The following CAMSAP1 variants were observed in gnomAD, a reference collection of about 807,000 sequenced individuals.
The protein encoded by CAMSAP1 is calmodulin regulated spectrin associated protein 1, also known as calmodulin-regulated spectrin-associated protein 1.
In CAMSAP1, 58 loss-of-function variants were observed where a neutral mutation model predicts 143.5. The observed-to-expected ratio is 0.40, with a 90% CI of 0.33 to 0.50. The LOEUF (loss-of-function observed/expected upper bound fraction) is 0.50, where lower values mean the gene tolerates loss of function less well. CAMSAP1 is among the 20% of genes least tolerant of loss of function. CAMSAP1 has a pLI of 0.45. For missense variants in CAMSAP1, 1,969 were observed against 2,115.7 expected, an observed-to-expected ratio of 0.93 and a Z score of 1.36; for synonymous variants, 945 against 859.3, an observed-to-expected ratio of 1.10 and a Z score of -1.74.
chr9:135,854,148 T>C (rs946159594), intron 5 of CAMSAP1, among the ~76,000 whole-genome samples: 2 of 152,172 alleles, frequency 1.3e-5, no homozygotes, highest in African/African-American at 4.8e-5. Context: ...TCTGGTGAAA[T>C]GCCCCAGGAA....
intron 3 of CAMSAP1, among the ~76,000 whole-genome samples, chr9:135,879,972 T>C (rs1039353660): frequency 6.6e-6 from 1 of 151,934 alleles, no homozygotes; most frequent in Non-Finnish European, 1.5e-5. Flanking sequence ...ATATAACACA[T>C]ACAAATCAAG....
rs1266355406 is a variant in CAMSAP1, at chr9:135,826,228, G to C, written c.1223+1179C>G. On this transcript the variant is annotated intron_variant, in intron 8 of 16. Coordinates refer to ENST00000389532, the MANE Select transcript of CAMSAP1 (RefSeq NM_015447.4). This position sits in a 1 kb window ranked among gnomAD's most constrained non-coding sequence, Gnocchi z 4.4. The stretch of plus-strand genomic sequence containing the variant: ...CACACACACACACGGCTCAACAACA[G>C]ACACGCAAAGACCGAAGGGAGGACG... 6.6e-6 allele frequency: 1 copy of C among 152,558 alleles called. No homozygotes were observed. The highest frequency in any genetic ancestry group is 1.9e-4 in the East Asian group (1 of 5,184). 9.5% of individuals were successfully genotyped at this position (152,558 alleles called of 1,614,324 possible).
chr9:135,851,997 G>A (rs148419915), intron 5 of CAMSAP1, among the ~76,000 whole-genome samples: 409 of 152,320 alleles, frequency 2.7e-3, no homozygotes, highest in African/African-American at 9.4e-3. Context: ...GCACTCCACA[G>A]CTTGCTCCTT....
intron 7 of CAMSAP1, among the ~76,000 whole-genome samples, chr9:135,840,344 A>G (rs567117290): frequency 2.0e-5 from 3 of 152,270 alleles, no homozygotes; most frequent in East Asian, 3.9e-4. Context: ...AGTGAACTGA[A>G]GCTTAGCTGC....
intron 7 of CAMSAP1, among the ~76,000 whole-genome samples, chr9:135,842,982 C>T (rs1404893859): frequency 1.3e-5 from 2 of 152,214 alleles, no homozygotes; most frequent in African/African-American, 4.8e-5. Flanking sequence ...ATCAAATTCA[C>T]ACATAACAAT....
At chr9:135,890,425 C>T (rs1159867012) in intron 1 of CAMSAP1, among the ~76,000 whole-genome samples, 5 of 152,068 alleles carry the variant, frequency 3.3e-5, no homozygotes, top group South Asian at 4.1e-4. Flanking sequence ...CTTCCTGGAC[C>T]GCGGTTTCCC....
intron 1 of CAMSAP1, among the ~76,000 whole-genome samples, chr9:135,900,513 G>T (rs1245240946): frequency 6.6e-6 from 1 of 151,856 alleles, no homozygotes; most frequent in Non-Finnish European, 1.5e-5. Flanking sequence ...CTAACATGGT[G>T]AAACCCCGTC....
In CAMSAP1 at chr9:135,850,119, G is replaced by T. The variant is rs757865206; in HGVS notation, c.1045+18C>A. The stretch of plus-strand genomic sequence containing the variant: ...CTCAAGGAAACCATTGCCAACCTGG[G>T]GAATATCTGTCACTCACCGTCTTTC... On this transcript the variant is annotated intron_variant, in intron 7 of 16. Transcript: ENST00000389532. 1 of 1,589,160 alleles carries T rather than the reference G, an allele frequency of 6.3e-7. No individual in the cohort carries two copies. The highest frequency in any genetic ancestry group is 8.6e-7 in the Non-Finnish European group (1 of 1,167,066).
intron 7 of CAMSAP1, among the ~76,000 whole-genome samples, chr9:135,831,962 C>T (rs189375314): frequency 1.3e-3 from 200 of 152,136 alleles, no homozygotes; most frequent in African/African-American, 4.5e-3. Context: ...CACAAACCTC[C>T]CAACAAAGAA....
At chr9:135,863,774 G>A (rs957097135) in intron 4 of CAMSAP1, among the ~76,000 whole-genome samples, 2 of 152,150 alleles carry the variant, frequency 1.3e-5, no homozygotes, top group African/African-American at 4.8e-5. Context: ...AACGTGACCC[G>A]CCTCATACTG....
intron 5 of CAMSAP1, among the ~76,000 whole-genome samples, chr9:135,852,189 T>C (rs1334902837): frequency 2.0e-5 from 3 of 152,200 alleles, no homozygotes; most frequent in Non-Finnish European, 4.4e-5. Flanking sequence ...TGCATCTTTT[T>C]CTTACCGATT....
At chr9:135,872,390 C>T (rs1306457909) in intron 3 of CAMSAP1, among the ~76,000 whole-genome samples, 1 of 151,800 alleles carries the variant, frequency 6.6e-6, no homozygotes. Context: ...CACAGGAACC[C>T]TAAAGCAACC....
rs756052830 is a variant in CAMSAP1, at chr9:135,822,802, G to C, written c.1859C>G (p.Pro620Arg). The change falls in exon 11 of 17, where the codon CCG becomes CGG. Residue 620 changes from proline (P) to arginine (R), a missense_variant. Physicochemically the swap from Pro to Arg is moderately radical, Grantham distance 103 (BLOSUM62 -2). Coordinates refer to ENST00000389532, the MANE Select transcript of CAMSAP1 (RefSeq NM_015447.4). The surrounding 1 kb of genome is among the most constrained non-coding windows in gnomAD (Gnocchi z 6.1). ...GGGCCTCCTAGACACGATGCTCCTC[G>C]GTCTCCCTTCCCCCCGTTCATCCTC... ...TKEDERGEGRPRSIVSRRPSE... is the reference protein window; with the variant it reads ...TKEDERGEGRRRSIVSRRPSE... 5.8e-5 allele frequency: 94 copies of C among 1,613,714 alleles called. No individual in the cohort carries two copies. Among genetic ancestry groups the C allele is most frequent in the Middle Eastern group, 1.6e-4 (1 of 6,082 alleles).
Position 135,811,044 on chromosome 9 carries a change from G to A in CAMSAP1, c.*265C>T. 4.0e-6 allele frequency: 2 copies of A among 502,274 alleles called. No individual in the cohort carries two copies. Among genetic ancestry groups the A allele is most frequent in the Non-Finnish European group, 7.2e-6 (2 of 278,908 alleles). 31.1% of individuals were successfully genotyped at this position (502,274 alleles called of 1,614,324 possible). A position where few individuals can be genotyped will look rare whatever the true frequency, so the allele number is the denominator to read the frequency against. On this transcript the variant is annotated 3_prime_UTR_variant, in exon 17 of 17. Transcript: ENST00000389532. This position sits in a 1 kb window ranked among gnomAD's most constrained non-coding sequence, Gnocchi z 4.9. ...CTGGGAGCCTCAGTGGTCAGCAGTG[G>A]CCACAGCAGTGCGAGCCACTGCAAA...
intron 1 of CAMSAP1, among the ~76,000 whole-genome samples, chr9:135,885,557 GC>G (rs1344931420): frequency 6.6e-6 from 1 of 152,192 alleles, no homozygotes; most frequent in Non-Finnish European, 1.5e-5. Flanking sequence ...GAATGGCAGA[GC>G]CTACCTCACA....
At chr9:135,842,007 C>A (rs1015003268) in intron 7 of CAMSAP1, among the ~76,000 whole-genome samples, 43 of 152,138 alleles carry the variant, frequency 2.8e-4, no homozygotes, top group African/African-American at 9.7e-4. Context: ...GTTTGACAAA[C>A]TGACAGAAGT....
At chr9:135,855,085 G>A (rs1007294898) in intron 5 of CAMSAP1, among the ~76,000 whole-genome samples, 1 of 151,974 alleles carries the variant, frequency 6.6e-6, no homozygotes, top group South Asian at 2.1e-4. Flanking sequence ...TCCACCTCCT[G>A]GGTTGAAGCA....
intron 14 of CAMSAP1, among the ~76,000 whole-genome samples, chr9:135,817,571 T>C (rs937448510): frequency 2.6e-5 from 4 of 151,986 alleles, no homozygotes; most frequent in Non-Finnish European, 4.4e-5. Context: ...TTTTTTTGTA[T>C]TTTTTGTAGA....
chr9:135,870,452 AGGC>A (rs1837533355), intron 3 of CAMSAP1, among the ~76,000 whole-genome samples: 7 of 152,166 alleles, frequency 4.6e-5, no homozygotes, highest in African/African-American at 1.7e-4. Flanking sequence ...ACAGTTCTTT[AGGC>A]AGTGTGAAAA....
Sources: allele counts gnomAD v4.1 joint callset (sites outside exome capture counted in the v4.1 genomes callset), GRCh38; gene constraint gnomAD v4.1.1; non-coding constraint Gnocchi (gnomAD v3.1); transcripts MANE v1.5; gene names NCBI Gene and HGNC (gene_info 2026-07-23, HGNC 2026-07-21).